EFNA2: variants seen among roughly 807,000 people sequenced by gnomAD.
The protein encoded by EFNA2 is ephrin A2.
Under a neutral mutation model 19.7 loss-of-function variants are expected in EFNA2, and 18 were observed. That is an observed-to-expected ratio of 0.91 (90% confidence interval 0.63 to 1.35). EFNA2 has a LOEUF of 1.35. Ranked by LOEUF, EFNA2 falls within the 40% of genes most tolerant of loss-of-function variation. The pLI, the probability that EFNA2 is intolerant of heterozygous loss-of-function variation, is 0.00. For synonymous variants in EFNA2, 187 were observed against 137.8 expected (o/e 1.36, Z -2.50); for missense variants, 303 against 296.0 (o/e 1.02, Z -0.17).
rs4807833 is a variant in EFNA2 at position 1,300,153 on chromosome 19, C to G, written c.*208C>G. The G allele has an allele frequency of 0.081, 51,260 of 631,210 alleles. 2,843 individuals carry two copies. Among genetic ancestry groups the G allele is most frequent in the Admixed American group, 0.22 (5,765 of 25,950 alleles). The allele number at this position is 631,210 out of a possible 1,614,324, so 39.1% of individuals were successfully genotyped here. A position where few individuals can be genotyped will look rare whatever the true frequency, so the allele number is the denominator to read the frequency against. Reference sequence around the variant, plus strand: ...AGGGGAAACGGCCGAGAGCCCCCCCCCGGAGGCCCGAGGGGCCGGGGTGTG... The same window carrying G: ...AGGGGAAACGGCCGAGAGCCCCCCCGCGGAGGCCCGAGGGGCCGGGGTGTG... On this transcript the variant is annotated 3_prime_UTR_variant, in exon 4 of 4. Transcript: ENST00000215368.
chr19:1,285,160 C>T (rs2081457376), upstream of EFNA2, among the ~76,000 whole-genome samples: 1 of 152,238 alleles, frequency 6.6e-6, no homozygotes, highest in Admixed American at 6.5e-5. The surrounding 1 kb of genome is among the most constrained non-coding windows in gnomAD (Gnocchi z 4.1). Context: ...GGAGAAATCA[C>T]TCGGCGTTCC....
chr19:1,293,399 A>G (rs1197274552), intron 1 of EFNA2, among the ~76,000 whole-genome samples: 1 of 152,144 alleles, frequency 6.6e-6, no homozygotes, highest in Non-Finnish European at 1.5e-5. Flanking sequence ...GGCCGAGCCC[A>G]TCTCCATCTG....
intron 1 of EFNA2, among the ~76,000 whole-genome samples, chr19:1,292,003 G>A (rs1316556364): frequency 6.6e-6 from 1 of 152,206 alleles, no homozygotes; most frequent in Admixed American, 6.5e-5. Context: ...TGCTCTGTCT[G>A]GGAAAAATCC....
At chr19:1,291,780 C>T (rs1025267968) in intron 1 of EFNA2, among the ~76,000 whole-genome samples, 6 of 152,162 alleles carry the variant, frequency 3.9e-5, no homozygotes, top group South Asian at 2.1e-4. Context: ...GACAATTGCC[C>T]GATTGGAGCT....
At chr19:1,288,543 C>T (rs2081476606) in intron 1 of EFNA2, among the ~76,000 whole-genome samples, 1 of 152,036 alleles carries the variant, frequency 6.6e-6, no homozygotes, top group Non-Finnish European at 1.5e-5. Flanking sequence ...GGGACAGCCG[C>T]GATGGGGGGC....
At chr19:1,292,559 C>T (rs1403639421) in intron 1 of EFNA2, among the ~76,000 whole-genome samples, 5 of 152,174 alleles carry the variant, frequency 3.3e-5, no homozygotes, top group Non-Finnish European at 7.3e-5. Flanking sequence ...AACAGCACTG[C>T]AGGCAGTGGG....
chr19:1,293,308 T>C (rs2081499688), intron 1 of EFNA2, among the ~76,000 whole-genome samples: 1 of 152,200 alleles, frequency 6.6e-6, no homozygotes, highest in African/African-American at 2.4e-5. Flanking sequence ...AGCTTCTGCA[T>C]CGATCGTGCC....
At chr19:1,291,063 A>G (rs2081489395) in intron 1 of EFNA2, among the ~76,000 whole-genome samples, 1 of 152,134 alleles carries the variant, frequency 6.6e-6, no homozygotes, top group Non-Finnish European at 1.5e-5. Flanking sequence ...GCCCTGAAAG[A>G]CGGTGACTCA....
intron 3 of EFNA2, 127 bp downstream of exon 3, chr19:1,298,743 C>T: frequency 9.8e-7 from 1 of 1,021,846 alleles, no homozygotes. Context: ...CCTGCCTTGC[C>T]CCAGCCTCGA....
chr19:1,288,806 G>A (rs934249021), intron 1 of EFNA2, among the ~76,000 whole-genome samples: 3 of 152,188 alleles, frequency 2.0e-5, no homozygotes, highest in African/African-American at 7.2e-5. Context: ...GGCCGGCCCC[G>A]CCACTCCCAC....
chr19:1,286,247 G>C lies in EFNA2; in HGVS notation c.79G>C (p.Glu27Gln). ...PLPPPPFARAEDAARANSDRY... is the reference protein window; with the variant it reads ...PLPPPPFARAQDAARANSDRY... ...GCCGCCGCCGCCCTTCGCGCGCGCCGAGGACGCCGCCCGCGCCAACTCGGA... is the reference window on the plus strand; with the variant it reads ...GCCGCCGCCGCCCTTCGCGCGCGCCCAGGACGCCGCCCGCGCCAACTCGGA... Residue 27 changes from glutamate to glutamine, a missense_variant, in exon 1 of 4, where the codon GAG becomes CAG. Coordinates refer to ENST00000215368, the MANE Select transcript of EFNA2 (RefSeq NM_001405.4). This position sits in a 1 kb window ranked among gnomAD's most constrained non-coding sequence, Gnocchi z 5.6. 1 of 1,130,570 alleles carries C rather than the reference G, an allele frequency of 8.8e-7. No individual in the cohort carries two copies. The highest frequency in any genetic ancestry group is 1.9e-5 in the South Asian group (1 of 51,760). The allele number at this position is 1,130,570 out of a possible 1,614,324, so 70.0% of individuals were successfully genotyped here. A position where few individuals can be genotyped will look rare whatever the true frequency, so the allele number is the denominator to read the frequency against.
intron 2 of EFNA2, among the ~76,000 whole-genome samples, chr19:1,298,253 C>A (rs1191233512): frequency 6.6e-6 from 1 of 151,974 alleles, no homozygotes; most frequent in Non-Finnish European, 1.5e-5. Context: ...ACAAATACAT[C>A]ATTTTCCGAG....
In EFNA2 at chr19:1,295,482, C is replaced by A; in HGVS notation, c.141-63C>A. 6.9e-7 allele frequency: 1 copy of A among 1,442,070 alleles called. No homozygotes were observed. Among genetic ancestry groups the A allele is most frequent in the Non-Finnish European group, 9.1e-7 (1 of 1,098,076 alleles). 89.3% of individuals were successfully genotyped at this position (1,442,070 alleles called of 1,614,324 possible). The stretch of plus-strand genomic sequence containing the variant: ...TCCCCTGACCCTGGCCCTCCCCGCG[C>A]ACCCCGACCCGTGCCCCGTTCCTCG... On this transcript the variant is annotated intron_variant, in intron 1 of 3. Transcript: ENST00000215368. The surrounding 1 kb of genome is among the most constrained non-coding windows in gnomAD (Gnocchi z 5.8).
At chr19:1,288,546 TGGG>T (rs2081476629) in intron 1 of EFNA2, among the ~76,000 whole-genome samples, 1 of 151,812 alleles carries the variant, frequency 6.6e-6, no homozygotes. Flanking sequence ...ACAGCCGCGA[TGGG>T]GGGCAGACAG....
rs1048999067 is a variant in EFNA2, at chr19:1,287,567, C to T, written c.140+1259C>T. Among the ~76,000 whole-genome samples the T allele has an allele frequency of 1.3e-5, 2 of 152,104 alleles. No homozygotes were observed. Among genetic ancestry groups the T allele is most frequent in the Non-Finnish European group, 2.9e-5 (2 of 68,000 alleles). On this transcript the variant is annotated intron_variant, in intron 1 of 3. Coordinates refer to ENST00000215368, the MANE Select transcript of EFNA2 (RefSeq NM_001405.4). This position sits in a 1 kb window ranked among gnomAD's most constrained non-coding sequence, Gnocchi z 6.2. ...GGCGGGCTCGGGGACAAGGGCGGCC[C>T]GTGTTCCGCCGTGGGGGTGGGGAAC... is the stretch of plus-strand genomic sequence containing the variant.
rs1471700771 is a variant in EFNA2 at position 1,286,231 on chromosome 19, G to T, written c.63G>T (p.Pro21=). The T allele has an allele frequency of 3.6e-6, 4 of 1,124,026 alleles. No individual in the cohort carries two copies. The highest frequency in any genetic ancestry group is 3.9e-5 in the Admixed American group (1 of 25,638). 69.6% of individuals were successfully genotyped at this position (1,124,026 alleles called of 1,614,324 possible). Residue 21 remains proline, a synonymous_variant, in exon 1 of 4, where the codon CCG becomes CCT. Coordinates refer to ENST00000215368, the MANE Select transcript of EFNA2 (RefSeq NM_001405.4). The surrounding 1 kb of genome is among the most constrained non-coding windows in gnomAD (Gnocchi z 5.6). Reference sequence around the variant, plus strand: ...TCCTGCTGTTACCGCTGCCGCCGCCGCCCTTCGCGCGCGCCGAGGACGCCG... The same window carrying T: ...TCCTGCTGTTACCGCTGCCGCCGCCTCCCTTCGCGCGCGCCGAGGACGCCG... ...LLLLLLPLPP[P]PFARAEDAAR... is the part of the protein sequence containing the mutation.
chr19:1,297,275 T>A lies in EFNA2; in HGVS notation c.455-1276T>A, dbSNP rs1908231712. 6.6e-6 allele frequency among the ~76,000 whole-genome samples: 1 copy of A among 152,148 alleles called. No individual in the cohort carries two copies. The highest frequency in any genetic ancestry group is 1.9e-4 in the East Asian group (1 of 5,180). On this transcript the variant is annotated intron_variant, in intron 2 of 3. Coordinates refer to ENST00000215368, the MANE Select transcript of EFNA2 (RefSeq NM_001405.4). The surrounding 1 kb of genome is among the most constrained non-coding windows in gnomAD (Gnocchi z 5.0). The stretch of plus-strand genomic sequence containing the variant: ...AACTTTACAAGGCCCCATTGCCTCC[T>A]TTCTCTGCTCTAGTTGGATTTTTCC...
chr19:1,291,506 G>A (rs2081491292), intron 1 of EFNA2, among the ~76,000 whole-genome samples: 1 of 152,214 alleles, frequency 6.6e-6, no homozygotes, highest in Non-Finnish European at 1.5e-5. Flanking sequence ...GTGGCAGGAG[G>A]GGACGGGCGG....
chr19:1,295,880 C>A lies in EFNA2; in HGVS notation c.454+22C>A. The A allele has an allele frequency of 6.7e-7, 1 of 1,485,606 alleles. No homozygotes were observed. The highest frequency in any genetic ancestry group is 8.9e-7 in the Non-Finnish European group (1 of 1,117,858). The allele number at this position is 1,485,606 out of a possible 1,614,324, so 92.0% of individuals were successfully genotyped here. A position where few individuals can be genotyped will look rare whatever the true frequency, so the allele number is the denominator to read the frequency against. On this transcript the variant is annotated intron_variant, in intron 2 of 3. Transcript: ENST00000215368. This position sits in a 1 kb window ranked among gnomAD's most constrained non-coding sequence, Gnocchi z 5.8. ...ATCTGTGAGTGGGGTCGGGCCGGGG[C>A]TGCCGGGGCCCGAGTGGGCGGGGAC... is the stretch of plus-strand genomic sequence containing the variant.
Sources: gnomAD v4.1 joint callset for allele counts (sites outside exome capture counted in the v4.1 genomes callset) on GRCh38, gnomAD v4.1.1 for gene constraint, Gnocchi (gnomAD v3.1) non-coding constraint, MANE v1.5 for transcripts, NCBI Gene and HGNC (gene_info 2026-07-23, HGNC 2026-07-21) for gene names.